NTNG1: variants seen among roughly 807,000 people sequenced by gnomAD.
The protein encoded by NTNG1 is netrin-G1.
NTNG1 carries 16 observed loss-of-function variants against 54.0 expected under a neutral mutation model. The observed-to-expected ratio is 0.30, with a 90% confidence interval of 0.20 to 0.45. The LOEUF is 0.45. Among genes scored for constraint, NTNG1 ranks in the 20% least tolerant of loss-of-function variants. The probability of loss-of-function intolerance (pLI) is 1.00; values close to 1 mark genes in which losing one functional copy is unlikely to be tolerated. For synonymous variants in NTNG1, 255 were observed against 263.1 expected (o/e 0.97, Z 0.30); for missense variants, 530 against 678.7 (o/e 0.78, Z 2.43).
At chr1:107,414,157 T>C (rs1001475619) in intron 5 of NTNG1, among the ~76,000 whole-genome samples, 6 of 152,198 alleles carry the variant, frequency 3.9e-5, no homozygotes, top group African/African-American at 1.4e-4. Flanking sequence ...ACGTCAGCAC[T>C]AGACAGTCAG....
chr1:107,320,007 T>C (rs190895292), intron 2 of NTNG1, among the ~76,000 whole-genome samples: 1 of 152,090 alleles, frequency 6.6e-6, no homozygotes, highest in East Asian at 1.9e-4. Flanking sequence ...TGCCTCAAAT[T>C]GTATTTATCT....
intron 2 of NTNG1, among the ~76,000 whole-genome samples, chr1:107,286,817 C>A (rs998539201): frequency 1.3e-5 from 2 of 152,054 alleles, no homozygotes; most frequent in African/African-American, 4.8e-5. Flanking sequence ...TTACAATGTC[C>A]ATAATTTCCT....
chr1:107,415,479 A>C (rs1295885805), intron 5 of NTNG1, among the ~76,000 whole-genome samples: 2 of 152,188 alleles, frequency 1.3e-5, no homozygotes, highest in East Asian at 3.9e-4. Flanking sequence ...GAAATCTCTT[A>C]TCTGGCATTC....
intron 3 of NTNG1, among the ~76,000 whole-genome samples, chr1:107,373,246 A>AT (rs953653190): frequency 2.0e-5 from 3 of 151,600 alleles, no homozygotes; most frequent in Admixed American, 6.6e-5. Context: ...GTCATTTTTC[A>AT]TTTTTTTAAC....
At chr1:107,407,365 T>C (rs567799609) in intron 4 of NTNG1, among the ~76,000 whole-genome samples, 1 of 152,116 alleles carries the variant, frequency 6.6e-6, no homozygotes, top group East Asian at 1.9e-4. Context: ...ATTAACCTTA[T>C]AGGGAAACAC....
intron 2 of NTNG1, among the ~76,000 whole-genome samples, chr1:107,235,025 G>C (rs894148345): frequency 6.6e-6 from 1 of 152,176 alleles, no homozygotes; most frequent in Non-Finnish European, 1.5e-5. Context: ...GTAATGCAAT[G>C]TCTTATTTAA....
intron 4 of NTNG1, among the ~76,000 whole-genome samples, chr1:107,400,056 G>A (rs1032240146): frequency 1.3e-4 from 19 of 151,860 alleles, no homozygotes; most frequent in East Asian, 3.9e-4. Flanking sequence ...TGATTTAGTC[G>A]TAATCAACCA....
At chr1:107,365,566 T>C (rs1035861616) in intron 3 of NTNG1, among the ~76,000 whole-genome samples, 5 of 152,322 alleles carry the variant, frequency 3.3e-5, no homozygotes, top group Non-Finnish European at 7.4e-5. Flanking sequence ...GCTTACCATA[T>C]GTGATGTAAT....
chr1:107,459,532 A>C (rs1364907597), intron 7 of NTNG1, among the ~76,000 whole-genome samples: 2 of 152,156 alleles, frequency 1.3e-5, no homozygotes, highest in African/African-American at 4.8e-5. Context: ...AGTTGCCAAA[A>C]GAAAAAAAAA....
intron 5 of NTNG1, chr1:107,408,101 C>T (rs548400736): frequency 9.6e-6 from 3 of 312,848 alleles, no homozygotes; most frequent in South Asian, 8.5e-5. Context: ...TTTTAAAAAG[C>T]AGAAAATGAA....
At chr1:107,336,053 A>G (rs1668556130) in intron 3 of NTNG1, among the ~76,000 whole-genome samples, 1 of 151,962 alleles carries the variant, frequency 6.6e-6, no homozygotes, top group Admixed American at 6.6e-5. Context: ...AATCCCATTG[A>G]CGATATTTTC....
chr1:107,144,525 A>G (rs1395715522), intron 1 of NTNG1, among the ~76,000 whole-genome samples: 1 of 152,110 alleles, frequency 6.6e-6, no homozygotes, highest in Non-Finnish European at 1.5e-5. Context: ...TTGCTTTTGG[A>G]ATATAATTGC....
At chr1:107,442,927 A>G (rs1229968263) in intron 7 of NTNG1, among the ~76,000 whole-genome samples, 2 of 152,090 alleles carry the variant, frequency 1.3e-5, no homozygotes, top group East Asian at 3.9e-4. Context: ...TCAATTTAGC[A>G]TTTTCCAACA....
At chr1:107,362,728 T>C (rs1453777172) in intron 3 of NTNG1, among the ~76,000 whole-genome samples, 1 of 152,226 alleles carries the variant, frequency 6.6e-6, no homozygotes, top group Non-Finnish European at 1.5e-5. Context: ...ACACGGCATA[T>C]ATGTTAAAAC....
chr1:107,381,348 TAAAA>T (rs10598493), intron 3 of NTNG1, among the ~76,000 whole-genome samples: 77 of 51,650 alleles, frequency 1.5e-3, no homozygotes, highest in African/African-American at 4.4e-3. Context: ...TCTCTTTAAC[TAAAA>T]AAAAAAAAAA....
At chr1:107,296,889 A>T (rs1665975759) in intron 2 of NTNG1, among the ~76,000 whole-genome samples, 1 of 149,270 alleles carries the variant, frequency 6.7e-6, no homozygotes, top group Non-Finnish European at 1.5e-5. Flanking sequence ...TCCTTTTAAG[A>T]CTTTACATGT....
At chr1:107,186,387 G>T (rs963080548) in intron 2 of NTNG1, among the ~76,000 whole-genome samples, 1 of 152,156 alleles carries the variant, frequency 6.6e-6, no homozygotes, top group African/African-American at 2.4e-5. Flanking sequence ...CTAAAACTAT[G>T]AATGGACTTA....
At chr1:107,201,410 A>G (rs746002422) in intron 2 of NTNG1, among the ~76,000 whole-genome samples, 4 of 151,834 alleles carry the variant, frequency 2.6e-5, no homozygotes, top group Non-Finnish European at 5.9e-5. Context: ...TAATCCTCAT[A>G]TAATTTTCCC....
chr1:107,273,329 G>A (rs530345641), intron 2 of NTNG1, among the ~76,000 whole-genome samples: 1 of 152,330 alleles, frequency 6.6e-6, no homozygotes, highest in South Asian at 2.1e-4. Flanking sequence ...ATAGAAGAAT[G>A]TATTGGCTTG....
Sources: allele counts gnomAD v4.1 joint callset (sites outside exome capture counted in the v4.1 genomes callset), GRCh38; gene constraint gnomAD v4.1.1; transcripts MANE v1.5; gene names NCBI Gene and HGNC (gene_info 2026-07-23, HGNC 2026-07-21).